Variants in CNTN5 observed in about 807,000 individuals in gnomAD.
CNTN5 encodes contactin-5.
In CNTN5, 77 loss-of-function variants were observed where a neutral mutation model predicts 129.1. The observed-to-expected ratio is 0.60, with a 90% confidence interval of 0.50 to 0.72. CNTN5 has a LOEUF of 0.72. Ranked by LOEUF, CNTN5 falls within the 30% of genes least tolerant of loss-of-function variation. The probability of loss-of-function intolerance (pLI) is 0.00; values close to 1 mark genes in which losing one functional copy is unlikely to be tolerated. For missense variants in CNTN5, 1,478 were observed against 1,328.8 expected, an observed-to-expected ratio of 1.11 and a Z score of -1.75; for synonymous variants, 509 against 465.6, an observed-to-expected ratio of 1.09 and a Z score of -1.20.
chr11:99,028,145 A>C (rs943664777), intron 1 of CNTN5, among the ~76,000 whole-genome samples: 1 of 151,800 alleles, frequency 6.6e-6, no homozygotes, highest in African/African-American at 2.4e-5. Flanking sequence ...CTGAGATTGA[A>C]GTTAAGTGAT....
chr11:99,053,090 C>T (rs765277151), intron 1 of CNTN5, among the ~76,000 whole-genome samples: 3 of 151,830 alleles, frequency 2.0e-5, no homozygotes, highest in African/African-American at 4.8e-5. Flanking sequence ...AGTCAATGTA[C>T]AATAATCTTT....
At chr11:99,283,713 A>G (rs895733990) in intron 1 of CNTN5, among the ~76,000 whole-genome samples, 5 of 152,132 alleles carry the variant, frequency 3.3e-5, no homozygotes, top group Non-Finnish European at 7.4e-5. Context: ...AGGAAACAAA[A>G]TGTGATCATA....
chr11:100,138,409 C>T (rs1946593879), intron 13 of CNTN5, among the ~76,000 whole-genome samples: 1 of 151,902 alleles, frequency 6.6e-6, no homozygotes, highest in Non-Finnish European at 1.5e-5. Flanking sequence ...TGTATTGTAT[C>T]AGGGAAAGTC....
chr11:99,847,217 G>A (rs796283319), intron 6 of CNTN5, among the ~76,000 whole-genome samples: 32 of 152,210 alleles, frequency 2.1e-4, no homozygotes, highest in African/African-American at 6.7e-4. Flanking sequence ...TTCTGCATGC[G>A]TTTAGAGCAG....
chr11:99,609,679 G>C (rs879674932), intron 3 of CNTN5, among the ~76,000 whole-genome samples: 9 of 152,094 alleles, frequency 5.9e-5, no homozygotes, highest in Non-Finnish European at 7.4e-5. Context: ...AGGAACTTTA[G>C]ATTATTGAGA....
At chr11:99,434,132 A>G (rs985410377) in intron 2 of CNTN5, among the ~76,000 whole-genome samples, 4 of 152,144 alleles carry the variant, frequency 2.6e-5, no homozygotes, top group African/African-American at 9.7e-5. Context: ...TTGTTTTATT[A>G]TTTAATTATC....
chr11:100,299,286 G>A lies in CNTN5; in HGVS notation c.2510G>A (p.Arg837Gln), dbSNP rs199937129. 1.2e-4 allele frequency: 196 copies of A among 1,610,536 alleles called. No homozygotes were observed. Among genetic ancestry groups the A allele is most frequent in the African/African-American group, 2.0e-4 (15 of 74,622 alleles). Residue 837 changes from arginine (R) to glutamine (Q), a missense_variant, in exon 20 of 25, where the codon CGA becomes CAA. Physicochemically the swap from Arg to Gln is conservative, Grantham distance 43. Transcript: ENST00000524871. Reference protein sequence around the residue: ...TSSEASKFIYRDESVPPLTPF... With the variant: ...TSSEASKFIYQDESVPPLTPF... ...TCTGAAGCTTCCAAATTCATTTATCGAGATGAAAGTGTCCCTCCTCTTACT... is the reference window on the plus strand; with the variant it reads ...TCTGAAGCTTCCAAATTCATTTATCAAGATGAAAGTGTCCCTCCTCTTACT...
intron 1 of CNTN5, among the ~76,000 whole-genome samples, chr11:99,087,427 T>C (rs1866048021): frequency 6.6e-6 from 1 of 152,332 alleles, no homozygotes; most frequent in East Asian, 1.9e-4. Context: ...GTTGCTTATA[T>C]ACCAGATACA....
intron 3 of CNTN5, among the ~76,000 whole-genome samples, chr11:99,816,439 T>C (rs1946589627): frequency 6.6e-6 from 1 of 152,204 alleles, no homozygotes; most frequent in Non-Finnish European, 1.5e-5. Flanking sequence ...AGGCTCTCCA[T>C]GTGTCTAAAA....
intron 7 of CNTN5, among the ~76,000 whole-genome samples, chr11:99,933,784 C>T (rs2136084476): frequency 6.6e-6 from 1 of 152,304 alleles, no homozygotes; most frequent in African/African-American, 2.4e-5. Context: ...AAACCTAATG[C>T]TTCAGGTGTT....
intron 9 of CNTN5, among the ~76,000 whole-genome samples, chr11:100,007,395 T>C (rs1312126571): frequency 6.6e-6 from 1 of 152,180 alleles, no homozygotes. Flanking sequence ...TAAGGCTGTT[T>C]TGTCTACATT....
At chr11:99,726,107 T>C (rs966679930) in intron 3 of CNTN5, among the ~76,000 whole-genome samples, 2 of 152,186 alleles carry the variant, frequency 1.3e-5, no homozygotes, top group East Asian at 1.9e-4. Context: ...ATGATGTCAG[T>C]GGTATCTCCT....
chr11:99,944,993 T>C (rs924659689), intron 7 of CNTN5, among the ~76,000 whole-genome samples: 1 of 152,046 alleles, frequency 6.6e-6, no homozygotes, highest in Non-Finnish European at 1.5e-5. Context: ...GGAAATAACA[T>C]GATGAAAGAC....
intron 1 of CNTN5, among the ~76,000 whole-genome samples, chr11:99,146,982 A>G (rs1859816167): frequency 6.6e-6 from 1 of 152,190 alleles, no homozygotes; most frequent in African/African-American, 2.4e-5. Flanking sequence ...TTGGACTTCC[A>G]AGTGCTGGGA....
intron 3 of CNTN5, among the ~76,000 whole-genome samples, chr11:99,712,223 T>C (rs1955022604): frequency 1.3e-5 from 2 of 152,328 alleles, no homozygotes; most frequent in South Asian, 2.1e-4. Context: ...ATTTCTCTAA[T>C]GACCAGTGAT....
Position 100,274,353 on chromosome 11 carries a change from A to G in CNTN5, c.2314+3112A>G, listed in dbSNP as rs539440846. The stretch of plus-strand genomic sequence containing the variant: ...GAAGATGACAAAAGCAATTACAACA[A>G]AAACAAAAATTGACAAATGGGTTCT... On this transcript the variant is annotated intron_variant, in intron 18 of 24. Transcript: ENST00000524871. 4.6e-5 allele frequency among the ~76,000 whole-genome samples: 7 copies of G among 152,380 alleles called. No homozygotes were observed. The East Asian group carries it at 1.2e-3, about 25-fold the overall frequency.
intron 8 of CNTN5, among the ~76,000 whole-genome samples, chr11:99,982,350 A>G (rs1367636061): frequency 6.6e-6 from 1 of 152,202 alleles, no homozygotes; most frequent in Non-Finnish European, 1.5e-5. Flanking sequence ...TAAATGATAA[A>G]AATGCTATTT....
At chr11:99,098,634 TA>T (rs1866583340) in intron 1 of CNTN5, among the ~76,000 whole-genome samples, 1 of 152,138 alleles carries the variant, frequency 6.6e-6, no homozygotes, top group Admixed American at 6.6e-5. Context: ...TTGTTTAATA[TA>T]AAATATTAAT....
intron 2 of CNTN5, among the ~76,000 whole-genome samples, chr11:99,478,201 C>A (rs369709841): frequency 6.6e-6 from 1 of 152,082 alleles, no homozygotes; most frequent in Admixed American, 6.6e-5. Flanking sequence ...TCTCACAAGA[C>A]TGCAATGAAG....
Sources: allele counts gnomAD v4.1 joint callset (sites outside exome capture counted in the v4.1 genomes callset), GRCh38; gene constraint gnomAD v4.1.1; transcripts MANE v1.5; gene names NCBI Gene and HGNC (gene_info 2026-07-23, HGNC 2026-07-21).